PPP3CC: variants seen among roughly 807,000 people sequenced by gnomAD.
The protein encoded by PPP3CC is serine/threonine-protein phosphatase 2B catalytic subunit gamma isoform.
A neutral mutation model predicts 60.3 loss-of-function variants in PPP3CC; 35 were observed. That is an observed-to-expected ratio of 0.58 (90% CI 0.44 to 0.77). PPP3CC has a LOEUF of 0.77. PPP3CC is among the 30% of genes least tolerant of loss of function. The pLI is 0.00. For missense variants in PPP3CC, 570 were observed against 628.9 expected (o/e 0.91, Z 1.00); for synonymous variants, 206 against 224.3 (o/e 0.92, Z 0.73).
chr8:22,475,386 C>T, intron 2 of PPP3CC, 114 bp from the exon 3 acceptor site: 1 of 1,228,114 alleles, frequency 8.1e-7, no homozygotes, highest in Admixed American at 2.3e-5. Context: ...TACAGCAGTC[C>T]TGTCAAAAGC....
At chr8:22,503,610 G>A (rs556408004) in intron 4 of PPP3CC, among the ~76,000 whole-genome samples, 13 of 152,246 alleles carry the variant, frequency 8.5e-5, no homozygotes, top group Admixed American at 2.0e-4. Flanking sequence ...GGGATGCAAT[G>A]TGTAATAATA....
chr8:22,474,976 A>G lies in PPP3CC; in HGVS notation c.72A>G (p.Gln24=). 1.3e-6 allele frequency: 2 copies of G among 1,599,014 alleles called. No homozygotes were observed. Among genetic ancestry groups the G allele is most frequent in the Non-Finnish European group, 1.7e-6 (2 of 1,171,276 alleles). ...VIKAVPFPPT[Q]RLTFKEVFEN... ...TAGCTGTCCCCTTTCCTCCAACCCAACGGCTTACTTTCAAGGAAGTATTTG... is the reference window on the plus strand; with the variant it reads ...TAGCTGTCCCCTTTCCTCCAACCCAGCGGCTTACTTTCAAGGAAGTATTTG... Residue 24 remains glutamine, a synonymous_variant, in exon 2 of 14, where the codon CAA becomes CAG. Coordinates refer to ENST00000240139, the MANE Select transcript of PPP3CC (RefSeq NM_005605.5).
intron 8 of PPP3CC, chr8:22,523,754 AAG>A: frequency 2.3e-6 from 1 of 440,156 alleles, no homozygotes. Flanking sequence ...ACTGATAAAT[AAG>A]GTGAGTGATC....
At chr8:22,450,866 C>T (rs1286153771) in intron 1 of PPP3CC, among the ~76,000 whole-genome samples, 3 of 150,822 alleles carry the variant, frequency 2.0e-5, no homozygotes, top group South Asian at 2.1e-4. Context: ...GACGGAGTCT[C>T]GCTCTGTCAC....
intron 1 of PPP3CC, among the ~76,000 whole-genome samples, chr8:22,463,293 G>A (rs10108011): frequency 0.63 from 95,880 of 152,100 alleles, 31,051 homozygotes; most frequent in African/African-American, 0.79. Context: ...GGAAATCTTG[G>A]CTCACCCACT....
At chr8:22,502,434 C>A (rs142836963) in intron 4 of PPP3CC, among the ~76,000 whole-genome samples, 104 of 152,234 alleles carry the variant, frequency 6.8e-4, no homozygotes, top group African/African-American at 2.4e-3. Context: ...GCTCATAATC[C>A]TACACTTTGG....
intron 1 of PPP3CC, among the ~76,000 whole-genome samples, chr8:22,468,595 A>G (rs1175237338): frequency 1.3e-5 from 2 of 151,444 alleles, no homozygotes; most frequent in Admixed American, 1.3e-4. Flanking sequence ...TCTAATAGGC[A>G]TCTCAAATTA....
chr8:22,458,498 TGA>T (rs1047808661), intron 1 of PPP3CC, among the ~76,000 whole-genome samples: 4 of 151,898 alleles, frequency 2.6e-5, no homozygotes, highest in Non-Finnish European at 5.9e-5. Flanking sequence ...CTTGGGAGGC[TGA>T]GACAGGAGAA....
intron 1 of PPP3CC, among the ~76,000 whole-genome samples, chr8:22,445,699 A>G (rs2132421449): frequency 6.6e-6 from 1 of 152,342 alleles, no homozygotes; most frequent in East Asian, 1.9e-4. Context: ...GTGGGGACAC[A>G]TTAGTCACTT....
At chr8:22,460,897 G>A (rs1252920177) in intron 1 of PPP3CC, among the ~76,000 whole-genome samples, 1 of 152,130 alleles carries the variant, frequency 6.6e-6, no homozygotes, top group Non-Finnish European at 1.5e-5. Context: ...CCAGGCTGGA[G>A]TGCAGTGGTG....
chr8:22,528,605 C>T (rs1337874854), intron 10 of PPP3CC, 28 bp downstream of exon 10: 3 of 1,458,404 alleles, frequency 2.1e-6, no homozygotes, highest in Non-Finnish European at 2.8e-6. Flanking sequence ...TGAACTAAAA[C>T]TAGAAAGAGG....
At chr8:22,466,684 T>C (rs1054679265) in intron 1 of PPP3CC, among the ~76,000 whole-genome samples, 1 of 152,238 alleles carries the variant, frequency 6.6e-6, no homozygotes, top group Non-Finnish European at 1.5e-5. Flanking sequence ...TTTTTTCTTG[T>C]AAATTTGTTT....
chr8:22,482,629 A>G (rs1164340891), intron 3 of PPP3CC, among the ~76,000 whole-genome samples: 1 of 152,076 alleles, frequency 6.6e-6, no homozygotes, highest in Non-Finnish European at 1.5e-5. Context: ...TCCTGAATGA[A>G]GCATATAAAA....
chr8:22,447,002 C>G (rs1250139553), intron 1 of PPP3CC, among the ~76,000 whole-genome samples: 1 of 151,574 alleles, frequency 6.6e-6, no homozygotes, highest in South Asian at 2.1e-4. Context: ...GACTATAATG[C>G]CCGTTTATAG....
At chr8:22,457,853 A>C (rs966637819) in intron 1 of PPP3CC, among the ~76,000 whole-genome samples, 1 of 152,240 alleles carries the variant, frequency 6.6e-6, no homozygotes, top group Admixed American at 6.5e-5. Flanking sequence ...GCACTTTGGG[A>C]GGCCAAGGCG....
chr8:22,531,327 A>G (rs1452840929), intron 10 of PPP3CC: 6 of 1,531,160 alleles, frequency 3.9e-6, no homozygotes, highest in Non-Finnish European at 5.2e-6. Context: ...GCTATCAGAA[A>G]GGTATCCGAC....
chr8:22,452,352 C>G (rs865847859), intron 1 of PPP3CC, among the ~76,000 whole-genome samples: 1 of 152,140 alleles, frequency 6.6e-6, no homozygotes, highest in Non-Finnish European at 1.5e-5. Flanking sequence ...AATCTTGTCC[C>G]TCAGCTTGAC....
At chr8:22,456,572 A>G (rs963773030) in intron 1 of PPP3CC, among the ~76,000 whole-genome samples, 8 of 152,182 alleles carry the variant, frequency 5.3e-5, no homozygotes, top group Non-Finnish European at 1.2e-4. Flanking sequence ...GGAAATTGAC[A>G]TTGGTACAGT....
intron 3 of PPP3CC, among the ~76,000 whole-genome samples, chr8:22,489,781 A>G (rs986584925): frequency 7.0e-6 from 1 of 143,268 alleles, no homozygotes; most frequent in Non-Finnish European, 1.5e-5. Flanking sequence ...TATTATATAT[A>G]TAGTAAGTAT....
Sources: allele counts gnomAD v4.1 joint callset (sites outside exome capture counted in the v4.1 genomes callset), GRCh38; gene constraint gnomAD v4.1.1; transcripts MANE v1.5; gene names NCBI Gene and HGNC (gene_info 2026-07-23, HGNC 2026-07-21).